ERC1: variants seen among roughly 807,000 people sequenced by gnomAD.
ERC1 encodes RAB6 interacting protein 2.
ERC1 carries 56 observed loss-of-function variants against 132.0 expected under a neutral mutation model. The ratio of observed to expected loss-of-function variants is 0.42; its 90% confidence interval spans 0.34 to 0.53. ERC1 has a LOEUF of 0.53. ERC1 is among the 20% of genes least tolerant of loss of function. The pLI is 0.03. For missense variants in ERC1, 1,202 were observed against 1,349.9 expected (o/e 0.89, Z 1.72); for synonymous variants, 478 against 476.1 (o/e 1.00, Z -0.05).
At chr12:1,296,800 G>A (rs1224446403) in intron 15 of ERC1, among the ~76,000 whole-genome samples, 2 of 152,188 alleles carry the variant, frequency 1.3e-5, no homozygotes, top group Non-Finnish European at 2.9e-5. Flanking sequence ...AACAGGGAGT[G>A]AAAGGATTTT....
chr12:1,484,072 G>A (rs1319462730), intron 18 of ERC1, among the ~76,000 whole-genome samples: 28 of 77,620 alleles, frequency 3.6e-4, no homozygotes, highest in East Asian at 8.6e-4. Flanking sequence ...TTGGGAGGCT[G>A]AGGCGGGCGG....
intron 14 of ERC1, among the ~76,000 whole-genome samples, chr12:1,289,446 T>A (rs2079279664): frequency 6.6e-6 from 1 of 152,092 alleles, no homozygotes; most frequent in African/African-American, 2.4e-5. Flanking sequence ...GGAAATCTGT[T>A]ATTTGCCAAG....
At chr12:1,255,258 C>T (rs1027053854) in intron 13 of ERC1, among the ~76,000 whole-genome samples, 1 of 152,122 alleles carries the variant, frequency 6.6e-6, no homozygotes, top group Non-Finnish European at 1.5e-5. Context: ...ATCCATGTCC[C>T]TGCAAAGGAC....
intron 1 of ERC1, among the ~76,000 whole-genome samples, chr12:1,023,223 TGTG>T (rs1472103056): frequency 6.6e-6 from 1 of 152,054 alleles, no homozygotes; most frequent in Non-Finnish European, 1.5e-5. Flanking sequence ...AGGTAATAAT[TGTG>T]GGAATGGAGG....
At chr12:1,175,508 CAGA>C (rs1953601317) in intron 8 of ERC1, among the ~76,000 whole-genome samples, 1 of 148,534 alleles carries the variant, frequency 6.7e-6, no homozygotes. Flanking sequence ...ATTACTCATT[CAGA>C]AGAAGCAGCT....
intron 17 of ERC1, among the ~76,000 whole-genome samples, chr12:1,435,185 T>C (rs189680569): frequency 1.6e-3 from 246 of 152,326 alleles, no homozygotes; most frequent in African/African-American, 5.6e-3. Flanking sequence ...CCTGATTGAC[T>C]ATAGCAAACA....
At position 1,405,814 on chromosome 12, in the gene ERC1, G is replaced by A. The variant is rs183569884; in HGVS notation, c.2926-2335G>A. ...GCCTGTAATCCCAACTCTCTGAGAA[G>A]CCAAGACGGGGGGATCACTTAAGGC... On this transcript the variant is annotated intron_variant, in intron 16 of 18. Transcript: ENST00000360905. 3.9e-4 allele frequency among the ~76,000 whole-genome samples: 59 copies of A among 152,318 alleles called. 1 individual carries two copies. Among genetic ancestry groups the A allele is most frequent in the African/African-American group, 1.3e-3 (56 of 41,578 alleles).
chr12:1,028,061 C>T lies in ERC1; in HGVS notation c.158C>T (p.Thr53Ile). The T allele has an allele frequency of 6.2e-7, 1 of 1,614,160 alleles. No individual in the cohort carries two copies. The highest frequency in any genetic ancestry group is 8.5e-7 in the Non-Finnish European group (1 of 1,180,030). ...AGTGTTGGAGGTGGCAGTGGGAAAA[C>T]CCTTTCAATGGAAAATATACAATCT... The part of the protein sequence containing the change: ...GSSVGGGSGK[T>I]LSMENIQSLN... Residue 53 changes from threonine (T) to isoleucine (I), a missense_variant, in exon 2 of 19, where the codon ACC becomes ATC. Coordinates refer to ENST00000360905, the MANE Select transcript of ERC1 (RefSeq NM_178040.4).
chr12:1,368,446 ATTTGCTT>A (rs1220174231), intron 15 of ERC1, among the ~76,000 whole-genome samples: 2 of 152,028 alleles, frequency 1.3e-5, no homozygotes, highest in East Asian at 3.8e-4. Context: ...AATTTTTTCA[ATTTGCTT>A]TTTTTTCCAC....
At chr12:1,007,552 G>C (rs941965793) in intron 1 of ERC1, among the ~76,000 whole-genome samples, 196 of 64,396 alleles carry the variant, frequency 3.0e-3, no homozygotes, top group East Asian at 0.016. Flanking sequence ...GTGTGTGTGT[G>C]TGTGTGTGTG....
intron 17 of ERC1, among the ~76,000 whole-genome samples, chr12:1,424,187 T>C (rs547603465): frequency 1.1e-3 from 170 of 152,282 alleles, no homozygotes; most frequent in Non-Finnish European, 2.1e-3. Flanking sequence ...ATAACTAATA[T>C]TGAAGGAAGA....
At chr12:1,343,849 A>T (rs1356108830) in intron 15 of ERC1, among the ~76,000 whole-genome samples, 9 of 148,324 alleles carry the variant, frequency 6.1e-5, no homozygotes, top group Non-Finnish European at 7.5e-5. Flanking sequence ...ATGTAAAAAC[A>T]TTTTTTTTTT....
chr12:1,037,073 T>C (rs1969228710), intron 2 of ERC1, among the ~76,000 whole-genome samples: 1 of 152,218 alleles, frequency 6.6e-6, no homozygotes, highest in African/African-American at 2.4e-5. Flanking sequence ...TTTGCTTCTT[T>C]TACAGTTGGT....
At chr12:1,096,255 G>A (rs4766068) in intron 3 of ERC1, among the ~76,000 whole-genome samples, 4 of 152,010 alleles carry the variant, frequency 2.6e-5, no homozygotes, top group African/African-American at 7.3e-5. Context: ...TGGATTTTTC[G>A]GTTTTCTTTA....
chr12:1,237,129 T>C (rs1408395275), intron 13 of ERC1, among the ~76,000 whole-genome samples: 1 of 152,234 alleles, frequency 6.6e-6, no homozygotes, highest in African/African-American at 2.4e-5. Context: ...AGAAAGTTCA[T>C]CTTGCTTCAA....
chr12:1,452,269 G>A (rs1467858335), intron 18 of ERC1, among the ~76,000 whole-genome samples: 2 of 152,032 alleles, frequency 1.3e-5, no homozygotes, highest in Non-Finnish European at 1.5e-5. Flanking sequence ...TTCTGTTGAG[G>A]TCTGCTATAT....
intron 7 of ERC1, among the ~76,000 whole-genome samples, chr12:1,138,290 AT>A (rs1949541893): frequency 7.3e-6 from 1 of 137,564 alleles, no homozygotes; most frequent in Non-Finnish European, 1.5e-5. Context: ...TATGATATAT[AT>A]TATATAATAT....
rs947380140 is a variant in ERC1 at position 1,388,070 on chromosome 12, A to G, written c.2925+16093A>G. 2.0e-5 allele frequency among the ~76,000 whole-genome samples: 3 copies of G among 152,136 alleles called. No individual in the cohort carries two copies. In the East Asian group the frequency reaches 5.8e-4, roughly 29 times the overall value. Reference sequence around the variant, plus strand: ...AGGAGAATACTAAGAGACTAATAAGAGTTAGCCTCGGCCGGGCGTGGTGGC... The same window carrying G: ...AGGAGAATACTAAGAGACTAATAAGGGTTAGCCTCGGCCGGGCGTGGTGGC... On this transcript the variant is annotated intron_variant, in intron 16 of 18. Coordinates refer to ENST00000360905, the MANE Select transcript of ERC1 (RefSeq NM_178040.4).
chr12:1,455,209 T>C (rs960757115), intron 18 of ERC1, among the ~76,000 whole-genome samples: 1 of 152,248 alleles, frequency 6.6e-6, no homozygotes, highest in African/African-American at 2.4e-5. Flanking sequence ...AATACTTTCC[T>C]TTCTTAATGC....
Sources: gnomAD v4.1 joint callset for allele counts (sites outside exome capture counted in the v4.1 genomes callset) on GRCh38, gnomAD v4.1.1 for gene constraint, MANE v1.5 for transcripts, NCBI Gene and HGNC (gene_info 2026-07-23, HGNC 2026-07-21) for gene names.